Variants in DUSP18 observed in about 807,000 individuals in gnomAD.
The protein encoded by DUSP18 is dual specificity protein phosphatase 18.
A neutral mutation model predicts 6.3 loss-of-function variants in DUSP18; 4 were observed. The observed-to-expected ratio is 0.63, with a 90% CI of 0.31 to 1.45. DUSP18 has a LOEUF of 1.45. Among genes scored for constraint, DUSP18 ranks in the 40% most tolerant of loss-of-function variants. The pLI is 0.07. For missense variants in DUSP18, 235 were observed against 247.7 expected (o/e 0.95, Z 0.34); for synonymous variants, 96 against 95.1 (o/e 1.01, Z -0.05).
downstream of DUSP18, among the ~76,000 whole-genome samples, chr22:30,656,763 T>C (rs1234698819): frequency 1.3e-5 from 2 of 152,136 alleles, no homozygotes; most frequent in Non-Finnish European, 2.9e-5. Context: ...CTCTCCCACT[T>C]AGGATATGAA....
intron 1 of DUSP18, chr22:30,664,867 C>G (rs1045045220): frequency 3.3e-5 from 5 of 152,510 alleles, no homozygotes; most frequent in African/African-American, 1.2e-4. Context: ...ACAGCAGGGC[C>G]TTAGGAAGAC....
rs1447349832 is a variant in DUSP18, at chr22:30,663,546, T to C, written c.458A>G (p.His153Arg). Residue 153 changes from histidine (H) to arginine (R), a missense_variant, in exon 2 of 2, where the codon CAC (histidine) becomes CGC (arginine). By Grantham distance (29) the His-to-Arg change is conservative (BLOSUM62 0). Coordinates refer to ENST00000334679, the MANE Select transcript of DUSP18 (RefSeq NM_152511.5). ...CTTGCCAAACAATTGGAACTCATAG[T>C]GGATGAGCTGCTCCCAAAAGCCGCT... ...PNSGFWEQLIHYEFQLFGKNT... is the reference protein window; with the variant it reads ...PNSGFWEQLIRYEFQLFGKNT... 3 of 1,614,048 alleles carry C rather than the reference T, an allele frequency of 1.9e-6. No individual in the cohort carries two copies. The highest frequency in any genetic ancestry group is 2.5e-6 in the Non-Finnish European group (3 of 1,180,032).
chr22:30,661,208 C>CA (rs1220236462), downstream of DUSP18, among the ~76,000 whole-genome samples: 1 of 152,076 alleles, frequency 6.6e-6, no homozygotes, highest in East Asian at 1.9e-4. Flanking sequence ...ACCCCCCCGC[C>CA]AAGTGAAATA....
At chr22:30,654,627 A>C in intron 2 of DUSP18, 2 of 459,574 alleles carry the variant, frequency 4.4e-6, no homozygotes, top group South Asian at 3.3e-5. Context: ...TGCCTCGGGA[A>C]GGGTTGCTGT....
chr22:30,656,001 C>T (rs2088331998), intron 2 of DUSP18, among the ~76,000 whole-genome samples: 1 of 151,790 alleles, frequency 6.6e-6, no homozygotes, highest in Non-Finnish European at 1.5e-5. Context: ...GCAAAAGGGT[C>T]TCACTCTGTT....
intron 2 of DUSP18, among the ~76,000 whole-genome samples, chr22:30,653,452 A>G (rs1602087372): frequency 6.7e-6 from 1 of 150,148 alleles, no homozygotes; most frequent in Non-Finnish European, 1.5e-5. Context: ...GCTCACTGCA[A>G]CCTCCGCCTC....
At position 30,653,374 on chromosome 22, in the gene DUSP18, CTTT is replaced by C. The variant is rs892435016; in HGVS notation, c.*34-1080_*34-1078del. Among the ~76,000 whole-genome samples the C allele has an allele frequency of 1.9e-4, 27 of 142,568 alleles. No individual in the cohort carries two copies. In the East Asian group the frequency reaches 3.9e-3, roughly 20 times the overall value. The allele number at this position is 142,568 out of a possible 152,430, so 93.5% of individuals were successfully genotyped here. ...ACCCTCATGTGCCCCCTTCCTCCTT[CTTT>C]TTTTTTTTTTTTGAGACAGAGTCTT... is the stretch of plus-strand genomic sequence containing the variant. On this transcript the variant is annotated intron_variant, in intron 2 of 2. Coordinates refer to the DUSP18 transcript ENST00000404885.
At chr22:30,659,123 C>CAAAAAAAA (rs35939188), downstream of DUSP18, among the ~76,000 whole-genome samples, 2 of 104,716 alleles carry the variant, frequency 1.9e-5, no homozygotes, top group Non-Finnish European at 1.8e-5. Context: ...GACTCCATCT[C>CAAAAAAAA]AAAAAAAAAA....
At chr22:30,665,924 T>C (rs1280943024) in intron 1 of DUSP18, among the ~76,000 whole-genome samples, 1 of 150,690 alleles carries the variant, frequency 6.6e-6, no homozygotes, top group African/African-American at 2.4e-5. Context: ...GTCTCCAGAA[T>C]TCCAGGGAGG....
chr22:30,654,390 C>T, intron 2 of DUSP18: 1 of 459,362 alleles, frequency 2.2e-6, no homozygotes, highest in Non-Finnish European at 4.3e-6. Flanking sequence ...CTTTGTGATC[C>T]AGCTGCCCCA....
rs560318624 is a variant in DUSP18 at position 30,654,307 on chromosome 22, T to A, written c.*34-2010A>T. The A allele has an allele frequency of 6.4e-4, 296 of 459,948 alleles. 5 individuals are homozygous for A. Among genetic ancestry groups the A allele is most frequent in the South Asian group, 4.5e-3 (289 of 64,760 alleles). 28.5% of individuals were successfully genotyped at this position (459,948 alleles called of 1,614,324 possible). A position where few individuals can be genotyped will look rare whatever the true frequency, so the allele number is the denominator to read the frequency against. ...CCATCCCATGAGCTGTTTCTTATTC[T>A]GGTAGTGGATCTTGGCCTTCTCCTT... On this transcript the variant is annotated intron_variant, in intron 2 of 2. Transcript: ENST00000404885.
Position 30,662,537 on chromosome 22 carries a change from A to T in DUSP18, c.*900T>A, listed in dbSNP as rs550131747. The T allele has an allele frequency of 1.2e-4, 18 of 152,250 alleles. No individual in the cohort carries two copies. Among genetic ancestry groups the T allele is most frequent in the South Asian group, 6.2e-4 (3 of 4,824 alleles). The allele number at this position is 152,250 out of a possible 1,614,324, so 9.4% of individuals were successfully genotyped here. A position where few individuals can be genotyped will look rare whatever the true frequency, so the allele number is the denominator to read the frequency against. ...TACAATAGCACTCACAATTTTTTTT[A>T]AATTTTTTATACAGTGGTATCGGGG... On this transcript the variant is annotated 3_prime_UTR_variant, in exon 2 of 2. Transcript: ENST00000334679.
rs2088730250 is a variant in DUSP18, at chr22:30,667,735, G to C, written c.-351C>G. 1 of 152,918 alleles carries C rather than the reference G, an allele frequency of 6.5e-6. No homozygotes were observed. Among genetic ancestry groups the C allele is most frequent in the Admixed American group, 6.5e-5 (1 of 15,296 alleles). 9.5% of individuals were successfully genotyped at this position (152,918 alleles called of 1,614,324 possible). The stretch of plus-strand genomic sequence containing the variant: ...CTGCCGGCAAGCCGGGGTCACTGCA[G>C]TCCCCGTGGCGAAGCAGGGTCAGCT... On this transcript the variant is annotated 5_prime_UTR_variant, in exon 1 of 2. Coordinates refer to ENST00000334679, the MANE Select transcript of DUSP18 (RefSeq NM_152511.5).
In DUSP18 at chr22:30,661,465, T is replaced by G. The variant is rs1374398120; in HGVS notation, c.*1972A>C. 1 of 151,332 alleles carries G rather than the reference T, an allele frequency of 6.6e-6. No individual in the cohort carries two copies. The highest frequency in any genetic ancestry group is 6.6e-5 in the Admixed American group (1 of 15,180). 9.4% of individuals were successfully genotyped at this position (151,332 alleles called of 1,614,324 possible). On this transcript the variant is annotated 3_prime_UTR_variant, in exon 2 of 2. Coordinates refer to ENST00000334679, the MANE Select transcript of DUSP18 (RefSeq NM_152511.5). ...TTTTCTTTTTTTTTTTTTTTCTTTT[T>G]GAGATGGAGTCTCACTCTTGTTGCC...
downstream of DUSP18, among the ~76,000 whole-genome samples, chr22:30,656,549 G>A (rs1466694674): frequency 6.6e-6 from 1 of 152,178 alleles, no homozygotes; most frequent in Non-Finnish European, 1.5e-5. Context: ...TAATCAAAAA[G>A]AGGCCTAGAA....
rs1180876246 is a variant in DUSP18 at position 30,661,927 on chromosome 22, G to C, written c.*1510C>G. On this transcript the variant is annotated 3_prime_UTR_variant, in exon 2 of 2. Coordinates refer to ENST00000334679, the MANE Select transcript of DUSP18 (RefSeq NM_152511.5). ...GGGGGAAGCTGGAACTGTGCTCCTT[G>C]TTTCAGGACCTCTAGATTGCACCTA... 1 of 150,542 alleles carries C rather than the reference G, an allele frequency of 6.6e-6. No homozygotes were observed. The highest frequency in any genetic ancestry group is 2.1e-4 in the East Asian group (1 of 4,796). 9.3% of individuals were successfully genotyped at this position (150,542 alleles called of 1,614,324 possible).
intron 2 of DUSP18, among the ~76,000 whole-genome samples, chr22:30,655,935 C>CTT (rs112567452): frequency 0.016 from 2,351 of 147,494 alleles, 66 homozygotes; most frequent in African/African-American, 0.057. Context: ...ATTCTTAGGA[C>CTT]TTTTTTTTTT....
chr22:30,661,444 C>CTTTTTTTTTTTTTTTTT (rs56242112), downstream of DUSP18: 1 of 136,480 alleles, frequency 7.3e-6, no homozygotes, highest in Non-Finnish European at 1.5e-5. Flanking sequence ...TTTTCTTTTT[C>CTTTTTTTTTTTTTTTTT]TTTTTTTTTT....
At chr22:30,664,995 A>G (rs5753268) in intron 1 of DUSP18, 113,055 of 152,614 alleles carry the variant, frequency 0.74, 44,057 homozygotes, top group East Asian at 0.88. Context: ...ATTGGGGTAG[A>G]GGTTCAGCCG....
Sources: gnomAD v4.1 joint callset for allele counts (sites outside exome capture counted in the v4.1 genomes callset) on GRCh38, gnomAD v4.1.1 for gene constraint, MANE v1.5 for transcripts, NCBI Gene and HGNC (gene_info 2026-07-23, HGNC 2026-07-21) for gene names.